CAPN3: variants seen among roughly 807,000 people sequenced by gnomAD.
The protein encoded by CAPN3 is calpain-3.
Under a neutral mutation model 114.0 loss-of-function variants are expected in CAPN3, and 88 were observed. The observed-to-expected ratio is 0.77, with a 90% CI of 0.65 to 0.92. The LOEUF (loss-of-function observed/expected upper bound fraction) is 0.92. Ranked by LOEUF, CAPN3 falls within the 40% of genes least tolerant of loss-of-function variation. CAPN3 has a pLI of 0.00. For synonymous variants in CAPN3, 386 were observed against 382.9 expected, an observed-to-expected ratio of 1.01 and a Z score of -0.09; for missense variants, 1,028 against 1,069.0, an observed-to-expected ratio of 0.96 and a Z score of 0.53.
Position 42,359,705 on chromosome 15 carries a change from G to A in CAPN3, c.-101G>A. The A allele has an allele frequency of 5.0e-6, 8 of 1,589,420 alleles. No homozygotes were observed. Among genetic ancestry groups the A allele is most frequent in the Middle Eastern group, 4.6e-4 (2 of 4,312 alleles). Reference sequence around the variant, plus strand: ...GGATGTGGACACTTTTCTCTCAGATGACAGAATTACTCCAACTTCCCCTTT... The same window carrying A: ...GGATGTGGACACTTTTCTCTCAGATAACAGAATTACTCCAACTTCCCCTTT... On this transcript the variant is annotated 5_prime_UTR_variant, in exon 1 of 24. The change abolishes an upstream ATG in the 5' untranslated region. Coordinates refer to ENST00000397163, the MANE Select transcript of CAPN3 (RefSeq NM_000070.3).
intron 7 of CAPN3, among the ~76,000 whole-genome samples, chr15:42,393,675 T>C (rs529417769): frequency 1.4e-3 from 195 of 137,596 alleles, no homozygotes; most frequent in Middle Eastern, 3.5e-3. Context: ...CTCACTGCAA[T>C]GTCCGCCTCC....
chr15:42,412,155 GC>G lies in CAPN3; in HGVS notation c.*383del, dbSNP rs1566987290. The G allele has an allele frequency of 6.5e-7, 1 of 1,536,058 alleles. No homozygotes were observed. The highest frequency in any genetic ancestry group is 8.7e-7 in the Non-Finnish European group (1 of 1,146,888). On this transcript the variant is annotated 3_prime_UTR_variant, in exon 24 of 24. Transcript: ENST00000397163. ...TGCTAGAGCCCTCCATCACCTTCAC[GC>G]TGTCCCACCATGGGCCAGGAACCAA...
At chr15:42,400,522 G>A (rs1226073726) in intron 10 of CAPN3, among the ~76,000 whole-genome samples, 1 of 151,812 alleles carries the variant, frequency 6.6e-6, no homozygotes, top group African/African-American at 2.4e-5. Context: ...CTTGAGCCCA[G>A]GAGTTCAAGA....
At chr15:42,370,992 C>T (rs746257574) in intron 1 of CAPN3, among the ~76,000 whole-genome samples, 26 of 152,218 alleles carry the variant, frequency 1.7e-4, no homozygotes, top group Non-Finnish European at 2.4e-4. Context: ...TTGACCATTC[C>T]GAGGTCTCAG....
chr15:42,400,276 G>A, intron 10 of CAPN3, among the ~76,000 whole-genome samples: 1 of 152,316 alleles, frequency 6.6e-6, no homozygotes, highest in Admixed American at 6.5e-5. Context: ...AGCAGCTGCT[G>A]CAATAGTTCA....
chr15:42,363,245 T>C (rs2052692287), intron 1 of CAPN3, among the ~76,000 whole-genome samples: 1 of 152,218 alleles, frequency 6.6e-6, no homozygotes, highest in Non-Finnish European at 1.5e-5. Flanking sequence ...CTGGTTCCTC[T>C]AGACTTTCCT....
intron 5 of CAPN3, 151 bp from the exon 6 acceptor site, chr15:42,389,802 T>C (rs541406793): frequency 5.8e-6 from 5 of 864,206 alleles, no homozygotes; most frequent in South Asian, 4.3e-5. Flanking sequence ...GTATCACTTT[T>C]CTCCGTCTTT....
At chr15:42,366,325 C>CGGTG (rs1343246729) in intron 1 of CAPN3, among the ~76,000 whole-genome samples, 34 of 152,152 alleles carry the variant, frequency 2.2e-4, no homozygotes, top group African/African-American at 8.0e-4. Context: ...CCAGCCACAC[C>CGGTG]GGCTGGTTTT....
At position 42,388,923 on chromosome 15, in the gene CAPN3, C is replaced by T. The variant is rs948483589; in HGVS notation, c.633-5C>T. The T allele has an allele frequency of 6.2e-7, 1 of 1,613,848 alleles. No homozygotes were observed. The highest frequency in any genetic ancestry group is 2.2e-5 in the East Asian group (1 of 44,884). On this transcript the variant is annotated splice_polypyrimidine_tract_variant and splice_region_variant and intron_variant, in intron 4 of 23. Transcript: ENST00000397163. ...CCCCAAATTGGTCTTCATCCTCTCT[C>T]TAAGGCTCCATGGTTCCTACGAAGC...
intron 14 of CAPN3, chr15:42,404,350 C>A (rs963602713): frequency 4.4e-6 from 2 of 456,372 alleles, no homozygotes; most frequent in African/African-American, 2.0e-5. Context: ...GGTGCTTTTT[C>A]ACACTTTACA....
chr15:42,398,648 C>T (rs987564052), intron 9 of CAPN3, among the ~76,000 whole-genome samples: 4 of 147,886 alleles, frequency 2.7e-5, no homozygotes, highest in Non-Finnish European at 5.9e-5. Flanking sequence ...TATATACACA[C>T]ATATATATAC....
In CAPN3 at chr15:42,402,789, C is replaced by G. The variant is rs892210488; in HGVS notation, c.1537-5C>G. 5 of 1,614,080 alleles carry G rather than the reference C, an allele frequency of 3.1e-6. No individual in the cohort carries two copies. Among genetic ancestry groups the G allele is most frequent in the Non-Finnish European group, 4.2e-6 (5 of 1,179,934 alleles). ...CATGTGCCCTGGGCTCTCCCCATCT[C>G]TCAGATGCACGGGAACAAGCAGCAC... On this transcript the variant is annotated splice_region_variant and splice_polypyrimidine_tract_variant and intron_variant, in intron 12 of 23. Coordinates refer to ENST00000397163, the MANE Select transcript of CAPN3 (RefSeq NM_000070.3).
intron 14 of CAPN3, 108 bp downstream of exon 14, chr15:42,403,885 G>A: frequency 1.0e-6 from 1 of 1,004,248 alleles, no homozygotes. Flanking sequence ...GGGAATGGGA[G>A]TCTGGGCTGT....
At chr15:42,377,277 C>T (rs536901683) in intron 1 of CAPN3, among the ~76,000 whole-genome samples, 12 of 152,162 alleles carry the variant, frequency 7.9e-5, no homozygotes, top group African/African-American at 2.9e-4. Flanking sequence ...AGTTTCTCAC[C>T]CTTAAGTATG....
chr15:42,384,275 G>T (rs1438104792), intron 1 of CAPN3, among the ~76,000 whole-genome samples: 2 of 152,142 alleles, frequency 1.3e-5, no homozygotes, highest in Non-Finnish European at 1.5e-5. Flanking sequence ...AGCTGGGCAT[G>T]GTGGCGCATG....
intron 8 of CAPN3, 58 bp downstream of exon 8, chr15:42,394,399 C>A: frequency 1.5e-6 from 2 of 1,356,716 alleles, no homozygotes; most frequent in South Asian, 1.2e-5. Flanking sequence ...CGGGACAAGG[C>A]TGTGTTGGGA....
chr15:42,390,066 C>A lies in CAPN3; in HGVS notation c.915C>A (p.Asp305Glu). Residue 305 changes from aspartate to glutamate, a missense_variant, in exon 6 of 24, where the codon GAC (aspartate) becomes GAA (glutamate). Transcript: ENST00000397163. The part of the protein sequence containing the change: ...DNSLLQDSDL[D>E]PRGSDERPTR... ...CACTGCTCCAGGACTCAGACCTCGA[C>A]CCCAGAGGCTCAGATGAAAGACCGA... The A allele has an allele frequency of 6.2e-7, 1 of 1,614,126 alleles. No individual in the cohort carries two copies. The highest frequency in any genetic ancestry group is 8.5e-7 in the Non-Finnish European group (1 of 1,180,012).
intron 1 of CAPN3, among the ~76,000 whole-genome samples, chr15:42,372,005 G>A (rs1218552183): frequency 6.6e-6 from 1 of 151,498 alleles, no homozygotes; most frequent in Non-Finnish European, 1.5e-5. Flanking sequence ...AAAAAAAAAG[G>A]CTGTTGGGAC....
intron 1 of CAPN3, among the ~76,000 whole-genome samples, chr15:42,366,427 C>T (rs1476307608): frequency 6.6e-6 from 1 of 152,148 alleles, no homozygotes; most frequent in Non-Finnish European, 1.5e-5. Flanking sequence ...AGGGCTGTTA[C>T]ACCAGGAGAA....
Sources: allele counts gnomAD v4.1 joint callset (sites outside exome capture counted in the v4.1 genomes callset), GRCh38; gene constraint gnomAD v4.1.1; transcripts MANE v1.5; gene names NCBI Gene and HGNC (gene_info 2026-07-23, HGNC 2026-07-21).